Variants in ASCC3 observed in about 807,000 individuals in gnomAD.
ASCC3 encodes activating signal cointegrator 1 complex subunit 3, also known as ASC-1 complex subunit P200.
A neutral mutation model predicts 256.3 loss-of-function variants in ASCC3; 158 were observed. The ratio of observed to expected loss-of-function variants is 0.62; its 90% CI spans 0.54 to 0.70. The LOEUF (loss-of-function observed/expected upper bound fraction) is 0.70. Among genes scored for constraint, ASCC3 ranks in the 30% least tolerant of loss-of-function variants. ASCC3 has a pLI of 0.00. For missense variants in ASCC3, 2,259 were observed against 2,626.0 expected (o/e 0.86, Z 3.05); for synonymous variants, 948 against 883.4 (o/e 1.07, Z -1.30).
At chr6:100,642,426 TTAAA>T (rs1484578838) in intron 24 of ASCC3, among the ~76,000 whole-genome samples, 151 bp downstream of exon 24, 3 of 152,118 alleles carry the variant, frequency 2.0e-5, no homozygotes, top group Non-Finnish European at 4.4e-5. Context: ...AGAGAACAGA[TTAAA>T]TGATGAATGA....
chr6:100,689,966 T>G (rs934554186), intron 13 of ASCC3, among the ~76,000 whole-genome samples: 2 of 152,094 alleles, frequency 1.3e-5, no homozygotes, highest in African/African-American at 4.8e-5. Flanking sequence ...GAAAAAAAGA[T>G]ATAAAAATTC....
intron 25 of ASCC3, among the ~76,000 whole-genome samples, chr6:100,635,092 T>A (rs1021195416): frequency 2.6e-5 from 4 of 152,072 alleles, no homozygotes; most frequent in African/African-American, 9.7e-5. Context: ...TAAAGAGATA[T>A]CTGCACTCCC....
chr6:100,844,034 G>A (rs1189588422), intron 4 of ASCC3, among the ~76,000 whole-genome samples: 1 of 151,126 alleles, frequency 6.6e-6, no homozygotes. Context: ...GTTCACAAGA[G>A]CTTAGTAATT....
At chr6:100,684,413 A>G (rs966433162) in intron 13 of ASCC3, among the ~76,000 whole-genome samples, 1 of 152,092 alleles carries the variant, frequency 6.6e-6, no homozygotes, top group African/African-American at 2.4e-5. Context: ...GTTTCCCCCA[A>G]TCCCCTTCCT....
chr6:100,598,917 A>G (rs1377499272), intron 34 of ASCC3, among the ~76,000 whole-genome samples: 1 of 152,224 alleles, frequency 6.6e-6, no homozygotes, highest in Non-Finnish European at 1.5e-5. Context: ...TTAGAGGACT[A>G]TGGAAGCAAA....
chr6:100,813,092 A>C (rs1248339971), intron 4 of ASCC3, among the ~76,000 whole-genome samples: 1 of 152,134 alleles, frequency 6.6e-6, no homozygotes, highest in African/African-American at 2.4e-5. Flanking sequence ...AGAGCAAAAA[A>C]ATTTTGAAAA....
chr6:100,727,835 G>A (rs953925265), intron 10 of ASCC3, among the ~76,000 whole-genome samples: 2 of 152,020 alleles, frequency 1.3e-5, no homozygotes, highest in Non-Finnish European at 2.9e-5. Context: ...GAGGGGGAGG[G>A]GGGCCAGACA....
chr6:100,712,871 C>A (rs73502962), intron 13 of ASCC3, among the ~76,000 whole-genome samples: 1,884 of 149,838 alleles, frequency 0.013, 42 homozygotes, highest in African/African-American at 0.045. Context: ...CATTCTCCTG[C>A]CTCAGGCTCT....
chr6:100,570,711 C>T (rs1458724968), intron 36 of ASCC3, among the ~76,000 whole-genome samples: 1 of 152,110 alleles, frequency 6.6e-6, no homozygotes, highest in Admixed American at 6.6e-5. Context: ...AATCCATATG[C>T]CTGTCACAGT....
intron 36 of ASCC3, among the ~76,000 whole-genome samples, chr6:100,546,269 G>A (rs1221970592): frequency 6.7e-6 from 1 of 149,936 alleles, no homozygotes; most frequent in Non-Finnish European, 1.5e-5. Flanking sequence ...ACTAAATGAA[G>A]GGTTATACCT....
chr6:100,738,001 T>G (rs533970014), intron 10 of ASCC3, among the ~76,000 whole-genome samples: 6 of 152,238 alleles, frequency 3.9e-5, no homozygotes, highest in Non-Finnish European at 8.8e-5. Context: ...CTTTCATGTT[T>G]GTTGGCTGCA....
chr6:100,731,004 T>A (rs944231769), intron 10 of ASCC3, among the ~76,000 whole-genome samples: 3 of 152,136 alleles, frequency 2.0e-5, no homozygotes, highest in Non-Finnish European at 4.4e-5. Context: ...TTGAAAAGTA[T>A]AATATAATAA....
intron 8 of ASCC3, among the ~76,000 whole-genome samples, chr6:100,781,424 C>T (rs570554227): frequency 3.3e-4 from 50 of 152,202 alleles, no homozygotes; most frequent in Admixed American, 5.2e-4. Flanking sequence ...TGCTCTGTTG[C>T]CCAGGCTGGA....
intron 36 of ASCC3, among the ~76,000 whole-genome samples, chr6:100,560,787 A>ACACACG (rs1289632322): frequency 6.6e-6 from 1 of 151,134 alleles, no homozygotes; most frequent in Non-Finnish European, 1.5e-5. Context: ...ACACACACAC[A>ACACACG]CACACGCACA....
At chr6:100,811,748 A>G (rs1770479553) in intron 4 of ASCC3, among the ~76,000 whole-genome samples, 1 of 152,182 alleles carries the variant, frequency 6.6e-6, no homozygotes, top group African/African-American at 2.4e-5. Context: ...ATTGTGGTGA[A>G]CAACAACTAG....
At chr6:100,618,565 A>G (rs967779211) in intron 30 of ASCC3, among the ~76,000 whole-genome samples, 4 of 152,232 alleles carry the variant, frequency 2.6e-5, no homozygotes, top group Non-Finnish European at 4.4e-5. Flanking sequence ...AAAGTAAAAG[A>G]GATGAAAATT....
At chr6:100,568,253 AGCT>A (rs993575556) in intron 36 of ASCC3, among the ~76,000 whole-genome samples, 2 of 151,906 alleles carry the variant, frequency 1.3e-5, no homozygotes, top group African/African-American at 4.8e-5. Flanking sequence ...CTATAATCCC[AGCT>A]ACTAGGGAGG....
chr6:100,553,821 T>C (rs1301688891), intron 36 of ASCC3, among the ~76,000 whole-genome samples: 1 of 152,146 alleles, frequency 6.6e-6, no homozygotes, highest in African/African-American at 2.4e-5. Flanking sequence ...ACAAATGCCA[T>C]AAACTCAGCC....
chr6:100,642,473 T>C, intron 24 of ASCC3, 108 bp downstream of exon 24: 1 of 1,148,534 alleles, frequency 8.7e-7, no homozygotes, highest in East Asian at 2.4e-5. Flanking sequence ...ATAGAGAAGT[T>C]ATAATGATTA....
Sources: allele counts gnomAD v4.1 joint callset (sites outside exome capture counted in the v4.1 genomes callset), GRCh38; gene constraint gnomAD v4.1.1; transcripts MANE v1.5; gene names NCBI Gene and HGNC (gene_info 2026-07-23, HGNC 2026-07-21).